The following NSFL1C variants were observed in gnomAD, a reference collection of about 807,000 sequenced individuals.
NSFL1C encodes the protein NSFL1 cofactor p47.
NSFL1C carries 14 observed loss-of-function variants against 43.1 expected under a neutral mutation model. The observed-to-expected ratio is 0.32, with a 90% confidence interval of 0.21 to 0.51. NSFL1C has a LOEUF of 0.51. NSFL1C is among the 20% of genes least tolerant of loss of function. The pLI, the probability that NSFL1C is intolerant of heterozygous loss-of-function variation, is 0.98. For synonymous variants in NSFL1C, 171 were observed against 183.5 expected (o/e 0.93, Z 0.55); for missense variants, 406 against 472.5 (o/e 0.86, Z 1.30).
chr20:1,445,563 C>T, intron 8 of NSFL1C, 103 bp downstream of exon 8: 5 of 1,330,804 alleles, frequency 3.8e-6, no homozygotes, highest in Non-Finnish European at 5.3e-6. Flanking sequence ...GCATGGAGTG[C>T]CTGCTGGTAT....
chr20:1,466,475 G>A (rs573799768), intron 1 of NSFL1C, among the ~76,000 whole-genome samples: 1 of 152,228 alleles, frequency 6.6e-6, no homozygotes, highest in African/African-American at 2.4e-5. Context: ...AAGTCTCGCT[G>A]ACGCCGCAAG....
Position 1,443,671 on chromosome 20 carries a change from C to CA in NSFL1C, c.*77dup, listed in dbSNP as rs2089996572. On this transcript the variant is annotated 3_prime_UTR_variant, in exon 9 of 9. Coordinates refer to ENST00000216879, the MANE Select transcript of NSFL1C (RefSeq NM_016143.5). ...GGACTGCTGGGTGTGCACAAGGGGG[C>CA]AGGAGGGGCGATCCCCATGGGGCAT... 1.3e-6 allele frequency: 2 copies of CA among 1,502,086 alleles called. No individual in the cohort carries two copies. The highest frequency in any genetic ancestry group is 1.4e-5 in the African/African-American group (1 of 72,930). 93.0% of individuals were successfully genotyped at this position (1,502,086 alleles called of 1,614,324 possible).
chr20:1,455,914 T>C (rs553486001), intron 3 of NSFL1C: 129 of 633,196 alleles, frequency 2.0e-4, no homozygotes, highest in Admixed American at 4.6e-4. Flanking sequence ...CAATCTCAAA[T>C]ACAAGCCCCA....
At chr20:1,443,986 C>T (rs1241727701) in intron 8 of NSFL1C, 75 bp from the exon 9 acceptor site, 30 of 1,439,624 alleles carry the variant, frequency 2.1e-5, no homozygotes, top group Non-Finnish European at 2.5e-5. Context: ...AAGCTAAACA[C>T]CTCGCAAATC....
chr20:1,458,342 G>T, intron 2 of NSFL1C, 68 bp from the exon 3 acceptor site: 1 of 1,318,074 alleles, frequency 7.6e-7, no homozygotes, highest in Non-Finnish European at 1.1e-6. Flanking sequence ...ATCACCAGCT[G>T]CTAAGGAGGT....
intron 7 of NSFL1C, among the ~76,000 whole-genome samples, chr20:1,448,011 A>G (rs2090101927): frequency 6.6e-6 from 1 of 152,230 alleles, no homozygotes; most frequent in Non-Finnish European, 1.5e-5. Flanking sequence ...GATTTTGTCA[A>G]GCTTTACAAT....
In NSFL1C at chr20:1,454,959, A is replaced by G; in HGVS notation, c.444+8T>C. On this transcript the variant is annotated splice_region_variant and intron_variant, in intron 4 of 8. Transcript: ENST00000216879. The stretch of plus-strand genomic sequence containing the variant: ...CCTGTGGGCACAGACAATGACCCTT[A>G]TACTCACTCTCGGTTTACTGGTCTC... The G allele has an allele frequency of 6.2e-7, 1 of 1,612,710 alleles. No homozygotes were observed. The highest frequency in any genetic ancestry group is 8.5e-7 in the Non-Finnish European group (1 of 1,179,792).
intron 4 of NSFL1C, among the ~76,000 whole-genome samples, 162 bp from the exon 5 acceptor site, chr20:1,454,467 T>A (rs2090254291): frequency 1.3e-5 from 2 of 152,168 alleles, no homozygotes; most frequent in Admixed American, 1.3e-4. Flanking sequence ...TCAGACTCAG[T>A]GCCTACATGC....
At chr20:1,458,805 A>G (rs1339119374) in intron 2 of NSFL1C, among the ~76,000 whole-genome samples, 1 of 152,200 alleles carries the variant, frequency 6.6e-6, no homozygotes, top group Non-Finnish European at 1.5e-5. Context: ...AGAGAGTTGA[A>G]GGAAGGACAC....
At chr20:1,466,438 T>G (rs750961643) in intron 1 of NSFL1C, among the ~76,000 whole-genome samples, 30 of 152,060 alleles carry the variant, frequency 2.0e-4, no homozygotes, top group Non-Finnish European at 3.8e-4. Context: ...AGGCGCTCCC[T>G]CTCCTCGCCG....
chr20:1,464,392 T>C lies in NSFL1C; in HGVS notation c.140A>G (p.Asp47Gly), dbSNP rs2090469201. Reference protein sequence around the residue: ...ALASFYEDGGDEDIVTISQAT... With the variant: ...ALASFYEDGGGEDIVTISQAT... ...CTGCGAAATGGTCACAATGTCTTCA[T>C]CCCCTCCGTCCTCATAAAAGCTCGC... Residue 47 changes from aspartate to glycine, a missense_variant, in exon 2 of 9, where the codon GAT (aspartate) becomes GGT (glycine). Around this residue, in one of 3 missense-constraint regions of NSFL1C, gnomAD observed 203 missense variants for 216.3 expected, o/e 0.94. Transcript: ENST00000216879. 1 of 1,614,102 alleles carries C rather than the reference T, an allele frequency of 6.2e-7. No homozygotes were observed. The highest frequency in any genetic ancestry group is 1.3e-5 in the African/African-American group (1 of 74,934).
rs918352873 is a variant in NSFL1C, at chr20:1,444,034, C to T, written c.951-123G>A. On this transcript the variant is annotated intron_variant, in intron 8 of 8. Transcript: ENST00000216879. The stretch of plus-strand genomic sequence containing the variant: ...TTTCTCCACAGAACAGCGAAAGCTA[C>T]GCTCAGGCATGTGGGACCAAGTCCC... 38 of 1,062,198 alleles carry T rather than the reference C, an allele frequency of 3.6e-5. 1 individual carries two copies. The highest frequency in any genetic ancestry group is 1.0e-4 in the East Asian group (4 of 38,108). The allele number at this position is 1,062,198 out of a possible 1,614,324, so 65.8% of individuals were successfully genotyped here.
chr20:1,445,909 C>T, intron 7 of NSFL1C, 79 bp from the exon 8 acceptor site: 10 of 1,466,028 alleles, frequency 6.8e-6, no homozygotes, highest in Non-Finnish European at 9.4e-6. Context: ...TGGACTGTTA[C>T]TGAGCATTTG....
chr20:1,447,761 G>A (rs371756174), intron 7 of NSFL1C, among the ~76,000 whole-genome samples: 1 of 102,566 alleles, frequency 9.7e-6, no homozygotes, highest in African/African-American at 4.7e-5. Flanking sequence ...GCTGATATCA[G>A]TTAAGGGGGT....
chr20:1,446,569 AG>A (rs1329549410), intron 7 of NSFL1C, among the ~76,000 whole-genome samples: 1 of 152,216 alleles, frequency 6.6e-6, no homozygotes, highest in Non-Finnish European at 1.5e-5. Context: ...GTTTCAACAA[AG>A]GTAGTAATTA....
chr20:1,444,685 T>C (rs1188703650), intron 8 of NSFL1C, among the ~76,000 whole-genome samples: 1 of 152,242 alleles, frequency 6.6e-6, no homozygotes, highest in East Asian at 1.9e-4. Context: ...CTGTGACTTT[T>C]AGCAAACCAA....
chr20:1,466,803 C>A lies in NSFL1C; in HGVS notation c.22G>T (p.Ala8Ser), dbSNP rs768407230. The A allele has an allele frequency of 7.7e-6, 12 of 1,551,430 alleles. No homozygotes were observed. Among genetic ancestry groups the A allele is most frequent in the East Asian group, 5.0e-5 (2 of 40,088 alleles). MAAERQEALREFVAVTGA... is the reference protein window; with the variant it reads MAAERQESLREFVAVTGA... ...GTCACCGCCACGAACTCCCTCAGCG[C>A]CTCCTGTCGCTCCGCCGCCATCTTC... is the stretch of plus-strand genomic sequence containing the variant. Residue 8 changes from alanine (A) to serine (S), a missense_variant, in exon 1 of 9, where the codon GCG becomes TCG. Around this residue, in one of 3 missense-constraint regions of NSFL1C, gnomAD observed 203 missense variants for 216.3 expected, o/e 0.94. Transcript: ENST00000216879.
At chr20:1,453,191 T>G in intron 5 of NSFL1C, 51 bp from the exon 6 acceptor site, 1 of 1,047,464 alleles carries the variant, frequency 9.5e-7, no homozygotes, top group South Asian at 1.3e-5. Context: ...AGCATACCAA[T>G]TTGAACTTGC....
At chr20:1,465,660 T>C (rs2090495004) in intron 1 of NSFL1C, among the ~76,000 whole-genome samples, 1 of 152,222 alleles carries the variant, frequency 6.6e-6, no homozygotes, top group Non-Finnish European at 1.5e-5. Flanking sequence ...AGCAAATTCT[T>C]TGCCCTCTGT....
Sources: gnomAD v4.1 joint callset for allele counts (sites outside exome capture counted in the v4.1 genomes callset) on GRCh38, gnomAD v4.1.1 for gene constraint, gnomAD v4.1.1 regional missense constraint, MANE v1.5 for transcripts, NCBI Gene and HGNC (gene_info 2026-07-23, HGNC 2026-07-21) for gene names.